Variants in RARB observed in about 807,000 individuals in gnomAD.
RARB encodes the protein HBV-activated protein.
In RARB, 17 loss-of-function variants were observed where a neutral mutation model predicts 51.9. The ratio of observed to expected loss-of-function variants is 0.33; its 90% CI spans 0.22 to 0.49. RARB has a LOEUF of 0.49. Ranked by LOEUF, RARB falls within the 20% of genes least tolerant of loss-of-function variation. The probability of loss-of-function intolerance (pLI) is 0.99; values close to 1 mark genes in which losing one functional copy is unlikely to be tolerated. For missense variants in RARB, 369 were observed against 550.8 expected, an observed-to-expected ratio of 0.67 and a Z score of 3.30; for synonymous variants, 215 against 195.4, an observed-to-expected ratio of 1.10 and a Z score of -0.84.
intron 4 of RARB, among the ~76,000 whole-genome samples, chr3:25,572,355 C>T (rs1462520313): frequency 6.6e-6 from 1 of 152,064 alleles, no homozygotes; most frequent in African/African-American, 2.4e-5. Context: ...TACTAGGGAC[C>T]ATGCTAAGTA....
intron 5 of RARB, among the ~76,000 whole-genome samples, chr3:25,319,354 T>C (rs989583161): frequency 6.6e-6 from 1 of 152,206 alleles, no homozygotes; most frequent in Non-Finnish European, 1.5e-5. Context: ...ATCCATTTCA[T>C]TCCCTGGAAA....
At chr3:24,891,664 G>A (rs1463223144) in intron 2 of RARB, among the ~76,000 whole-genome samples, 2 of 152,198 alleles carry the variant, frequency 1.3e-5, no homozygotes, top group African/African-American at 4.8e-5. Context: ...GTGTGTGGGG[G>A]GAATCAGCCA....
chr3:24,927,901 G>A (rs1030655259), intron 2 of RARB, among the ~76,000 whole-genome samples: 2 of 152,080 alleles, frequency 1.3e-5, no homozygotes, highest in Non-Finnish European at 2.9e-5. Flanking sequence ...CGCAGCAAAA[G>A]TGACAAACAC....
In RARB at chr3:24,854,358, T is replaced by C. The variant is rs568370553; in HGVS notation, c.-458-4316T>C. On this transcript the variant is annotated intron_variant, in intron 1 of 11. Coordinates refer to the RARB transcript ENST00000383772. ...AGAATCATCATGTGAGTGCATGGTG[T>C]AGTGGTGCTGTTATTAACAATTAGA... is the stretch of plus-strand genomic sequence containing the variant. Among the ~76,000 whole-genome samples, 167 of 152,298 alleles carry C rather than the reference T, an allele frequency of 1.1e-3. No individual in the cohort carries two copies. In the Middle Eastern group the frequency reaches 0.024, roughly 22 times the overall value.
At chr3:25,457,696 C>T (rs188010072) in intron 1 of RARB, among the ~76,000 whole-genome samples, 4 of 152,280 alleles carry the variant, frequency 2.6e-5, no homozygotes, top group African/African-American at 9.6e-5. Flanking sequence ...AGGTGAAATG[C>T]TGGACTCCCT....
intron 5 of RARB, among the ~76,000 whole-genome samples, chr3:25,362,728 G>C (rs1241670049): frequency 2.0e-5 from 3 of 152,180 alleles, no homozygotes. Context: ...AGGGGAGGGA[G>C]TTCCCTGACT....
At chr3:25,258,061 G>A (rs113340227) in intron 5 of RARB, among the ~76,000 whole-genome samples, 25 of 152,214 alleles carry the variant, frequency 1.6e-4, no homozygotes, top group African/African-American at 2.2e-4. Flanking sequence ...TCATCATTGT[G>A]TTGTCCTCAG....
At chr3:25,327,262 A>C (rs1404054945) in intron 5 of RARB, among the ~76,000 whole-genome samples, 1 of 152,212 alleles carries the variant, frequency 6.6e-6, no homozygotes, top group Non-Finnish European at 1.5e-5. Context: ...AGAACTGAAG[A>C]ATACAAAATT....
chr3:25,484,315 C>CAT (rs1452483200), intron 2 of RARB, among the ~76,000 whole-genome samples: 1 of 152,160 alleles, frequency 6.6e-6, no homozygotes, highest in Non-Finnish European at 1.5e-5. Flanking sequence ...GCAAAAGAGA[C>CAT]ATGCTTGAAG....
intron 5 of RARB, among the ~76,000 whole-genome samples, chr3:25,292,002 C>T (rs764191561): frequency 1.1e-4 from 16 of 151,930 alleles, no homozygotes; most frequent in African/African-American, 3.1e-4. Context: ...TTTAATACAA[C>T]GTTGTTTCTA....
chr3:24,965,134 C>A (rs189897503), intron 2 of RARB, among the ~76,000 whole-genome samples: 2 of 152,168 alleles, frequency 1.3e-5, no homozygotes, highest in African/African-American at 4.8e-5. Context: ...AGGTTCACTT[C>A]TGGTTAAGGG....
At chr3:25,049,452 T>TTG (rs1698282742) in intron 2 of RARB, among the ~76,000 whole-genome samples, 1 of 152,234 alleles carries the variant, frequency 6.6e-6, no homozygotes, top group African/African-American at 2.4e-5. Flanking sequence ...CTTGCTTATT[T>TTG]ACATCACTTT....
chr3:24,932,963 G>A (rs1303539425), intron 2 of RARB, among the ~76,000 whole-genome samples: 1 of 151,978 alleles, frequency 6.6e-6, no homozygotes, highest in Non-Finnish European at 1.5e-5. Flanking sequence ...GAGAAAACTG[G>A]TGGATTCATT....
chr3:25,185,129 G>A (rs753889463), intron 5 of RARB, among the ~76,000 whole-genome samples: 5 of 152,068 alleles, frequency 3.3e-5, no homozygotes, highest in Non-Finnish European at 5.9e-5. Context: ...ACTTCATAGA[G>A]CTTATACCCT....
chr3:24,919,565 A>G (rs182927374), intron 2 of RARB, among the ~76,000 whole-genome samples: 1 of 152,180 alleles, frequency 6.6e-6, no homozygotes, highest in East Asian at 1.9e-4. Context: ...TTCTTTCACC[A>G]CGTGGCTGCA....
At position 25,561,672 on chromosome 3, in the gene RARB, AC is replaced by A. The variant is rs1389222580; in HGVS notation, c.449-8085del. On this transcript the variant is annotated intron_variant, in intron 3 of 7. Transcript: ENST00000330688. The stretch of plus-strand genomic sequence containing the variant: ...CTGAGAAAAACTTCATTTCTATTTT[AC>A]ATAACATTTTAAGAGGAAATGTATG... Among the ~76,000 whole-genome samples the A allele has an allele frequency of 2.0e-5, 3 of 152,144 alleles. No individual in the cohort carries two copies. In the East Asian group the frequency reaches 5.8e-4, roughly 29 times the overall value.
At chr3:25,308,617 T>A (rs1476335706) in intron 5 of RARB, among the ~76,000 whole-genome samples, 1 of 151,990 alleles carries the variant, frequency 6.6e-6, no homozygotes, top group Non-Finnish European at 1.5e-5. Flanking sequence ...CCTGGCTAAT[T>A]TTTGTATTTT....
intron 5 of RARB, among the ~76,000 whole-genome samples, chr3:25,234,350 T>A (rs1330083176): frequency 6.6e-6 from 1 of 152,138 alleles, no homozygotes; most frequent in Non-Finnish European, 1.5e-5. Flanking sequence ...GTCTGTAGAG[T>A]CTGTAGTGAT....
At chr3:25,251,818 T>C (rs1351483286) in intron 5 of RARB, among the ~76,000 whole-genome samples, 2 of 152,150 alleles carry the variant, frequency 1.3e-5, no homozygotes, top group African/African-American at 4.8e-5. Context: ...GGTTGTCTTT[T>C]TGTTTTCTTG....
Sources: gnomAD v4.1 joint callset for allele counts (sites outside exome capture counted in the v4.1 genomes callset) on GRCh38, gnomAD v4.1.1 for gene constraint, MANE v1.5 for transcripts, NCBI Gene and HGNC (gene_info 2026-07-23, HGNC 2026-07-21) for gene names.